Variants in KCND3 observed in about 807,000 individuals in gnomAD.
The protein encoded by KCND3 is A-type voltage-gated potassium channel KCND3.
Under a neutral mutation model 51.1 loss-of-function variants are expected in KCND3, and 9 were observed. The ratio of observed to expected loss-of-function variants is 0.18; its 90% CI spans 0.11 to 0.31. The LOEUF (loss-of-function observed/expected upper bound fraction) is 0.31. Ranked by LOEUF, KCND3 falls within the 10% of genes least tolerant of loss-of-function variation. KCND3 has a pLI of 1.00. For missense variants in KCND3, 526 were observed against 903.8 expected (o/e 0.58, Z 5.36); for synonymous variants, 349 against 368.0 (o/e 0.95, Z 0.59).
intron 2 of KCND3, among the ~76,000 whole-genome samples, chr1:111,843,368 A>G (rs938648553): frequency 6.6e-6 from 1 of 152,218 alleles, no homozygotes; most frequent in African/African-American, 2.4e-5. Context: ...TTTCCCCATG[A>G]GTGGCAAGAG....
rs1299399888 is a variant in KCND3 at position 111,780,711 on chromosome 1, G to A, written c.1350C>T (p.Leu450=). The A allele has an allele frequency of 1.9e-6, 3 of 1,611,846 alleles. No homozygotes were observed. In the Admixed American group the frequency reaches 5.0e-5, roughly 27 times the overall value. ...CTACCGTCAGCTCCAGCGCCTCGTT[G>A]AGGAGCCCGTTGCGCTTGCTGTGCA... ...AYLHSKRNGL[L]NEALELTGTP... Residue 450 remains leucine (L), a synonymous_variant, in exon 4 of 8, where the codon CTC becomes CTT. Transcript: ENST00000302127. The surrounding 1 kb of genome is among the most constrained non-coding windows in gnomAD (Gnocchi z 4.2).
chr1:111,898,126 T>C lies in KCND3; in HGVS notation c.1106+83495A>G, dbSNP rs1670207638. On this transcript the variant is annotated intron_variant, in intron 2 of 7. Coordinates refer to ENST00000302127, the MANE Select transcript of KCND3 (RefSeq NM_001378969.1). ...TCCTCTGGCTTGGTTTCCTCAACTG[T>C]AAAACAGGGACCACAACAGTATTCT... is the stretch of plus-strand genomic sequence containing the variant. Among the ~76,000 whole-genome samples the C allele has an allele frequency of 2.0e-5, 3 of 152,182 alleles. 1 individual carries two copies. The highest frequency in any genetic ancestry group is 6.3e-3 in the Middle Eastern group (2 of 316).
At chr1:111,947,467 G>T (rs913596786) in intron 2 of KCND3, among the ~76,000 whole-genome samples, 8 of 152,238 alleles carry the variant, frequency 5.3e-5, no homozygotes, top group Non-Finnish European at 8.8e-5. Flanking sequence ...TTAGTGATGT[G>T]AAAATTGTAT....
At chr1:111,965,858 G>A (rs1478228810) in intron 2 of KCND3, among the ~76,000 whole-genome samples, 3 of 152,186 alleles carry the variant, frequency 2.0e-5, no homozygotes, top group African/African-American at 7.2e-5. Context: ...GCATGACCAT[G>A]ACAAGGCAGC....
chr1:111,888,418 G>A (rs1400737575), intron 2 of KCND3, among the ~76,000 whole-genome samples: 3 of 152,212 alleles, frequency 2.0e-5, no homozygotes, highest in African/African-American at 7.2e-5. Flanking sequence ...GGGTATGGTG[G>A]CTCACGCCTG....
At chr1:111,928,461 G>A (rs1671814136) in intron 2 of KCND3, among the ~76,000 whole-genome samples, 1 of 152,244 alleles carries the variant, frequency 6.6e-6, no homozygotes, top group Non-Finnish European at 1.5e-5. Context: ...CGGGAATGAA[G>A]CTCAAGCAAA....
At position 111,777,257 on chromosome 1, in the gene KCND3, T is replaced by C. The variant is rs1664166577; in HGVS notation, c.1535A>G (p.Asp512Gly). ...TSTIKNHEFIDEQMFEQNCME... is the reference protein window; with the variant it reads ...TSTIKNHEFIGEQMFEQNCME... ...GCAGTTCTGCTCAAACATCTGCTCA[T>C]CAATAAACTCGTGGTTCTGCGGGAG... The change falls in exon 7 of 8, where the codon GAT (aspartate) becomes GGT (glycine). Residue 512 changes from aspartate (D) to glycine (G), a missense_variant. Around this residue, in one of 5 missense-constraint regions of KCND3, gnomAD observed 266 missense variants for 305.5 expected, o/e 0.87. Transcript: ENST00000302127. 1 of 1,614,128 alleles carries C rather than the reference T, an allele frequency of 6.2e-7. No individual in the cohort carries two copies. Among genetic ancestry groups the C allele is most frequent in the Non-Finnish European group, 8.5e-7 (1 of 1,180,032 alleles).
chr1:111,882,594 G>A (rs2101741952), intron 2 of KCND3, among the ~76,000 whole-genome samples: 1 of 152,378 alleles, frequency 6.6e-6, no homozygotes, highest in South Asian at 2.1e-4. Flanking sequence ...GCCCTGAGGT[G>A]CACTGAGGCT....
chr1:111,930,807 G>C (rs1671932865), intron 2 of KCND3, among the ~76,000 whole-genome samples: 1 of 152,226 alleles, frequency 6.6e-6, no homozygotes, highest in East Asian at 1.9e-4. Flanking sequence ...GGATGGCAAA[G>C]ATACAGTGAG....
Position 111,825,988 on chromosome 1 carries a change from A to G in KCND3, c.1107-38882T>C, listed in dbSNP as rs558918658. ...ACCAGCATTGGGTAGGGTACTCACT[A>G]AAAATCAAAATCAAAGTCTTTGCTA... On this transcript the variant is annotated intron_variant, in intron 2 of 7. Coordinates refer to ENST00000302127, the MANE Select transcript of KCND3 (RefSeq NM_001378969.1). 1.7e-3 allele frequency among the ~76,000 whole-genome samples: 265 copies of G among 152,348 alleles called. 3 individuals are homozygous for G. The highest frequency in any genetic ancestry group is 6.1e-3 in the African/African-American group (252 of 41,576).
intron 2 of KCND3, among the ~76,000 whole-genome samples, chr1:111,959,267 A>G (rs1301678371): frequency 6.6e-6 from 1 of 152,178 alleles, no homozygotes; most frequent in Non-Finnish European, 1.5e-5. Flanking sequence ...ATAAACCCTC[A>G]GCTTTCTTTG....
At chr1:111,777,806 T>C (rs1664196110) in intron 6 of KCND3, among the ~76,000 whole-genome samples, 1 of 152,150 alleles carries the variant, frequency 6.6e-6, no homozygotes. Flanking sequence ...CTGTCACGGA[T>C]AGGGTTTCTT....
In KCND3 at chr1:111,894,457, C is replaced by T. The variant is rs77711508; in HGVS notation, c.1106+87164G>A. Among the ~76,000 whole-genome samples, 482 of 152,312 alleles carry T rather than the reference C, an allele frequency of 3.2e-3. 5 individuals carry two copies. Among genetic ancestry groups the T allele is most frequent in the African/African-American group, 0.011 (460 of 41,568 alleles). Reference sequence around the variant, plus strand: ...TCCTTCATAGCACTTTGCTTGAAGTCATCTTAGTCATCTGTACATTTATGT... The same window carrying T: ...TCCTTCATAGCACTTTGCTTGAAGTTATCTTAGTCATCTGTACATTTATGT... On this transcript the variant is annotated intron_variant, in intron 2 of 7. Coordinates refer to ENST00000302127, the MANE Select transcript of KCND3 (RefSeq NM_001378969.1).
chr1:111,801,616 G>C (rs11102336), intron 2 of KCND3, among the ~76,000 whole-genome samples: 1 of 152,046 alleles, frequency 6.6e-6, no homozygotes, highest in Non-Finnish European at 1.5e-5. Flanking sequence ...AGTGCTTAGC[G>C]GTTTGGCCAA....
At chr1:111,965,824 C>T (rs1557753232) in intron 2 of KCND3, among the ~76,000 whole-genome samples, 1 of 152,118 alleles carries the variant, frequency 6.6e-6, no homozygotes, top group Non-Finnish European at 1.5e-5. Context: ...TGTGCAGGCG[C>T]CTCTCCCTGT....
intron 2 of KCND3, among the ~76,000 whole-genome samples, chr1:111,961,023 C>T (rs776468390): frequency 6.6e-5 from 10 of 152,122 alleles, no homozygotes; most frequent in East Asian, 1.9e-4. Context: ...GGGGTAGCCT[C>T]GACTCTGTGC....
At position 111,978,081 on chromosome 1, in the gene KCND3, C is replaced by T. The variant is rs143794396; in HGVS notation, c.1106+3540G>A. ...AGCCATCCTCAAGCCCTGACAGCAG[C>T]TGGGCTGTTATTGTTCTTGTGTGCT... is the stretch of plus-strand genomic sequence containing the variant. On this transcript the variant is annotated intron_variant, in intron 2 of 7. Coordinates refer to ENST00000302127, the MANE Select transcript of KCND3 (RefSeq NM_001378969.1). Among the ~76,000 whole-genome samples the T allele has an allele frequency of 2.2e-3, 332 of 152,308 alleles. 3 individuals carry two copies. The highest frequency in any genetic ancestry group is 3.1e-3 in the Non-Finnish European group (209 of 68,022).
chr1:111,845,074 G>C (rs1667485905), intron 2 of KCND3, among the ~76,000 whole-genome samples: 1 of 151,946 alleles, frequency 6.6e-6, no homozygotes, highest in Non-Finnish European at 1.5e-5. Context: ...CATTCACACT[G>C]TAAGCCCTGC....
intron 1 of KCND3, among the ~76,000 whole-genome samples, chr1:111,985,052 G>A (rs1236682623): frequency 6.6e-6 from 1 of 152,136 alleles, no homozygotes; most frequent in African/African-American, 2.4e-5. Flanking sequence ...GTCTCCCATG[G>A]ATTATCTCAT....
Sources: allele counts gnomAD v4.1 joint callset (sites outside exome capture counted in the v4.1 genomes callset), GRCh38; gene constraint gnomAD v4.1.1; regional missense constraint gnomAD v4.1.1; non-coding constraint Gnocchi (gnomAD v3.1); transcripts MANE v1.5; gene names NCBI Gene and HGNC (gene_info 2026-07-23, HGNC 2026-07-21).